Variants in EVA1A observed in about 807,000 individuals in gnomAD.
EVA1A encodes the protein eva-1 homolog A, regulator of programmed cell death.
In EVA1A, 7 loss-of-function variants were observed where a neutral mutation model predicts 9.8. The observed-to-expected ratio is 0.71, with a 90% CI of 0.41 to 1.34. The LOEUF (loss-of-function observed/expected upper bound fraction) is 1.34. EVA1A is among the 40% of genes most tolerant of loss of function. The probability of loss-of-function intolerance (pLI) is 0.01; values close to 1 mark genes in which losing one functional copy is unlikely to be tolerated. For missense variants in EVA1A, 206 were observed against 205.9 expected (o/e 1.00, Z 0.00); for synonymous variants, 90 against 85.6 (o/e 1.05, Z -0.28).
At chr2:75,509,631 A>C (rs549019309) in intron 3 of EVA1A, among the ~76,000 whole-genome samples, 1 of 152,224 alleles carries the variant, frequency 6.6e-6, no homozygotes, top group East Asian at 1.9e-4. Flanking sequence ...TTATTCATCA[A>C]ATTGTATTTA....
chr2:75,559,805 C>T (rs57850206), intron 1 of EVA1A, among the ~76,000 whole-genome samples: 9,713 of 151,794 alleles, frequency 0.064, 1,062 homozygotes, highest in African/African-American at 0.22. Context: ...CAGCTAGGAC[C>T]CAAATCCTGG....
chr2:75,507,055 G>C (rs945692862), intron 3 of EVA1A, among the ~76,000 whole-genome samples: 4 of 152,196 alleles, frequency 2.6e-5, no homozygotes, highest in African/African-American at 9.7e-5. Context: ...TGTTCAACAA[G>C]TCAGCCAGCT....
chr2:75,504,176 G>A (rs56252362), intron 3 of EVA1A, among the ~76,000 whole-genome samples: 9,726 of 152,186 alleles, frequency 0.064, 423 homozygotes, highest in Middle Eastern at 0.16. Flanking sequence ...ACTTTGGGAG[G>A]TCGAGGTGGG....
chr2:75,534,822 C>A lies in EVA1A; in HGVS notation c.-191-12335G>T, dbSNP rs114437475. Among the ~76,000 whole-genome samples the A allele has an allele frequency of 9.2e-3, 1,396 of 152,050 alleles. 7 individuals carry two copies. Among genetic ancestry groups the A allele is most frequent in the Middle Eastern group, 0.041 (12 of 294 alleles). On this transcript the variant is annotated intron_variant, in intron 1 of 3. Coordinates refer to ENST00000393913, the MANE Select transcript of EVA1A (RefSeq NM_001135032.2). The stretch of plus-strand genomic sequence containing the variant: ...GGGGTCTTAGTCACAAATTCTTTGC[C>A]TCGGTCAATGTCTAAAATAGTTTTC...
chr2:75,559,302 T>C (rs900525328), intron 1 of EVA1A, among the ~76,000 whole-genome samples: 1 of 152,198 alleles, frequency 6.6e-6, no homozygotes, highest in African/African-American at 2.4e-5. Context: ...TGGATGTCAC[T>C]TGGGAAGTAA....
At chr2:75,511,969 T>TG (rs1324669885) in intron 3 of EVA1A, among the ~76,000 whole-genome samples, 1 of 152,106 alleles carries the variant, frequency 6.6e-6, no homozygotes, top group Non-Finnish European at 1.5e-5. Context: ...ATGTGTGTTT[T>TG]GGGGAGAAGT....
chr2:75,522,448 G>C lies in EVA1A; in HGVS notation c.-152C>G, dbSNP rs1298436637. ...GATGATGTTGGCATCAGCCAGTAGAGGTTCTAAAACTTGTTTGGCCCCAGT... is the reference window on the plus strand; with the variant it reads ...GATGATGTTGGCATCAGCCAGTAGACGTTCTAAAACTTGTTTGGCCCCAGT... On this transcript the variant is annotated 5_prime_UTR_variant, in exon 2 of 4. Coordinates refer to ENST00000393913, the MANE Select transcript of EVA1A (RefSeq NM_001135032.2). 6.6e-6 allele frequency: 1 copy of C among 152,196 alleles called. No homozygotes were observed. Among genetic ancestry groups the C allele is most frequent in the East Asian group, 1.9e-4 (1 of 5,196 alleles). The allele number at this position is 152,196 out of a possible 1,614,324, so 9.4% of individuals were successfully genotyped here.
chr2:75,527,563 T>C (rs546541180), intron 1 of EVA1A, among the ~76,000 whole-genome samples: 1 of 152,320 alleles, frequency 6.6e-6, no homozygotes, highest in East Asian at 1.9e-4. Context: ...AGTCAATCAA[T>C]TGATGTGAAC....
At chr2:75,536,669 A>G (rs1245692177) in intron 1 of EVA1A, among the ~76,000 whole-genome samples, 1 of 152,230 alleles carries the variant, frequency 6.6e-6, no homozygotes, top group Non-Finnish European at 1.5e-5. Flanking sequence ...AAATACTAGG[A>G]ACAACTCCTA....
chr2:75,541,713 T>A (rs1379421202), intron 1 of EVA1A: 1 of 152,862 alleles, frequency 6.5e-6, no homozygotes, highest in Non-Finnish European at 1.5e-5. Context: ...TCCCCCAGCT[T>A]ACCTGCCTCC....
intron 3 of EVA1A, among the ~76,000 whole-genome samples, chr2:75,504,295 C>T (rs1674532717): frequency 1.3e-5 from 2 of 152,062 alleles, no homozygotes; most frequent in Non-Finnish European, 2.9e-5. Context: ...CCTGTAATCC[C>T]AGCTACTAGG....
chr2:75,494,524 G>A (rs373516263), intron 3 of EVA1A, among the ~76,000 whole-genome samples: 18 of 152,286 alleles, frequency 1.2e-4, no homozygotes, highest in African/African-American at 4.1e-4. Context: ...TGCCTTATGG[G>A]GAAGTCCAAG....
chr2:75,547,061 A>T (rs751036171), intron 1 of EVA1A, among the ~76,000 whole-genome samples: 2 of 152,192 alleles, frequency 1.3e-5, no homozygotes. Context: ...ATACTTTTCT[A>T]TTATTCTAAG....
intron 1 of EVA1A, among the ~76,000 whole-genome samples, chr2:75,532,364 G>T (rs1675694623): frequency 6.6e-6 from 1 of 152,058 alleles, no homozygotes; most frequent in South Asian, 2.1e-4. Flanking sequence ...ACTTGGTATT[G>T]TAGGTCTGGT....
intron 1 of EVA1A, among the ~76,000 whole-genome samples, chr2:75,532,125 A>G (rs1675678485): frequency 7.6e-6 from 1 of 131,774 alleles, no homozygotes; most frequent in South Asian, 2.5e-4. Flanking sequence ...AGGCCATTGC[A>G]CTCCAGCCTG....
intron 1 of EVA1A, among the ~76,000 whole-genome samples, chr2:75,566,398 A>C (rs1461667809): frequency 1.3e-5 from 2 of 152,172 alleles, no homozygotes; most frequent in Non-Finnish European, 2.9e-5. Flanking sequence ...ACCTGTACAA[A>C]GGAATATGAG....
At chr2:75,496,712 C>T (rs1674223346) in intron 3 of EVA1A, among the ~76,000 whole-genome samples, 1 of 152,122 alleles carries the variant, frequency 6.6e-6, no homozygotes, top group Admixed American at 6.5e-5. Flanking sequence ...ACCAAAAGAG[C>T]GTTCAAATAG....
intron 3 of EVA1A, among the ~76,000 whole-genome samples, chr2:75,515,825 C>A (rs77441183): frequency 0.028 from 4,234 of 152,244 alleles, 189 homozygotes; most frequent in African/African-American, 0.097. Flanking sequence ...CACGTGCCTT[C>A]TTCTGTCTCC....
chr2:75,505,359 T>C (rs1674579008), intron 3 of EVA1A, among the ~76,000 whole-genome samples: 2 of 152,218 alleles, frequency 1.3e-5, no homozygotes, highest in African/African-American at 2.4e-5. Context: ...AGAATCCATA[T>C]GATTGATTCA....
Sources: gnomAD v4.1 joint callset for allele counts (sites outside exome capture counted in the v4.1 genomes callset) on GRCh38, gnomAD v4.1.1 for gene constraint, MANE v1.5 for transcripts, NCBI Gene and HGNC (gene_info 2026-07-23, HGNC 2026-07-21) for gene names.